MEAK7: variants seen among roughly 807,000 people sequenced by gnomAD.
The protein encoded by MEAK7 is MTOR-associated protein MEAK7.
Under a neutral mutation model 40.5 loss-of-function variants are expected in MEAK7, and 68 were observed. The ratio of observed to expected loss-of-function variants is 1.68; its 90% CI spans 1.38 to 2.06. MEAK7 has a LOEUF of 2.06. Among genes scored for constraint, MEAK7 ranks in the 30% most tolerant of loss-of-function variants. The pLI is 0.00. For synonymous variants in MEAK7, 338 were observed against 231.9 expected (o/e 1.46, Z -4.16); for missense variants, 918 against 580.5 (o/e 1.58, Z -5.98).
rs1567479664 is a variant in MEAK7, at chr16:84,477,617, G to A, written c.*2296C>T. ...ACCCCTTCCTCCTAGCACTTTCTAG[G>A]GCCCTGATAAGTCTTCATTTGTAGG... On this transcript the variant is annotated 3_prime_UTR_variant, in exon 8 of 8. Coordinates refer to ENST00000343629, the MANE Select transcript of MEAK7 (RefSeq NM_020947.4). 8.1e-6 allele frequency: 1 copy of A among 122,970 alleles called. No individual in the cohort carries two copies. The highest frequency in any genetic ancestry group is 1.6e-5 in the Non-Finnish European group (1 of 60,918). 7.6% of individuals were successfully genotyped at this position (122,970 alleles called of 1,614,324 possible).
intron 5 of MEAK7, among the ~76,000 whole-genome samples, chr16:84,483,164 G>A (rs1912729472): frequency 6.6e-6 from 1 of 152,236 alleles, no homozygotes; most frequent in Non-Finnish European, 1.5e-5. Flanking sequence ...CATGCAGAGA[G>A]AGAAAACCTG....
At chr16:84,481,841 G>A (rs889256457) in intron 6 of MEAK7, among the ~76,000 whole-genome samples, 1 of 152,194 alleles carries the variant, frequency 6.6e-6, no homozygotes, top group Non-Finnish European at 1.5e-5. Context: ...GGCTGAGGCA[G>A]GAGAATGGCG....
chr16:84,503,885 C>G (rs964525545), intron 1 of MEAK7: 1 of 973,058 alleles, frequency 1.0e-6, no homozygotes, highest in South Asian at 4.8e-5. Flanking sequence ...TGCTTCCCAC[C>G]CTGGCTGCCA....
chr16:84,489,476 A>G, intron 3 of MEAK7, 54 bp from the exon 4 acceptor site: 5 of 1,539,462 alleles, frequency 3.2e-6, no homozygotes, highest in East Asian at 2.4e-5. Context: ...CCTGAGACCT[A>G]TGTCATGCCC....
intron 3 of MEAK7, among the ~76,000 whole-genome samples, chr16:84,489,779 T>A (rs1270271857): frequency 2.0e-5 from 3 of 152,054 alleles, no homozygotes; most frequent in Non-Finnish European, 4.4e-5. Context: ...CTCCCCAAAT[T>A]TGGTTGAGAT....
At chr16:84,497,904 T>C (rs747049666) in intron 2 of MEAK7, 30 bp downstream of exon 2, 7 of 1,614,080 alleles carry the variant, frequency 4.3e-6, no homozygotes, top group Non-Finnish European at 5.9e-6. Context: ...TGCTCCCAAC[T>C]AAACATGAAC....
At chr16:84,497,535 C>T (rs910161263) in intron 2 of MEAK7, 5 of 1,291,134 alleles carry the variant, frequency 3.9e-6, no homozygotes, top group East Asian at 5.5e-5. Context: ...TCAGGAGGGA[C>T]GTGGTTCAAG....
intron 1 of MEAK7, chr16:84,499,954 G>C (rs449480): frequency 0.47 from 71,133 of 152,218 alleles, 18,625 homozygotes; most frequent in Non-Finnish European, 0.6. Flanking sequence ...GGAGGATCGC[G>C]TGAGCACAGG....
chr16:84,496,573 C>T (rs1002581419), intron 2 of MEAK7, among the ~76,000 whole-genome samples: 2 of 152,192 alleles, frequency 1.3e-5, no homozygotes, highest in African/African-American at 4.8e-5. Context: ...TTCTTCCACT[C>T]ATCGTGAGCC....
chr16:84,499,085 C>G (rs967363056), intron 1 of MEAK7, among the ~76,000 whole-genome samples: 2 of 152,214 alleles, frequency 1.3e-5, no homozygotes, highest in African/African-American at 2.4e-5. Flanking sequence ...TGAGCCTCAT[C>G]TGTTTGAGGC....
intron 1 of MEAK7, among the ~76,000 whole-genome samples, chr16:84,502,052 G>A (rs1015327403): frequency 2.6e-5 from 4 of 152,120 alleles, no homozygotes; most frequent in Non-Finnish European, 2.9e-5. Context: ...GCTGAGGCAG[G>A]AGAATTGCTT....
chr16:84,486,961 G>T lies in MEAK7; in HGVS notation c.628C>A (p.Leu210Met), dbSNP rs200184964. Reference protein sequence around the residue: ...VFRVPHVAIFLSVVICKGFLI... With the variant: ...VFRVPHVAIFMSVVICKGFLI... ...AAGCCCTTGCAAATGACCACACTCA[G>T]GAATATGGCCACATGGGGGACCCTG... Residue 210 changes from leucine (L) to methionine (M), a missense_variant, in exon 5 of 8, where the codon CTG (leucine) becomes ATG (methionine). Transcript: ENST00000343629. The T allele has an allele frequency of 6.2e-7, 1 of 1,614,160 alleles. No homozygotes were observed. The highest frequency in any genetic ancestry group is 1.1e-5 in the South Asian group (1 of 91,078).
intron 1 of MEAK7, 57 bp downstream of exon 1, chr16:84,504,544 T>G (rs1914744780): frequency 2.1e-6 from 2 of 967,150 alleles, no homozygotes; most frequent in East Asian, 1.1e-4. Flanking sequence ...GTCCCCCGAC[T>G]CAGCTGGGCC....
rs546778166 is a variant in MEAK7 at position 84,490,118 on chromosome 16, T to G, written c.385-696A>C. Among the ~76,000 whole-genome samples the G allele has an allele frequency of 3.5e-4, 54 of 152,300 alleles. No individual in the cohort carries two copies. In the South Asian group the frequency reaches 9.5e-3, roughly 27 times the overall value. On this transcript the variant is annotated intron_variant, in intron 3 of 7. Transcript: ENST00000343629. ...TTGTACAAACTGTGTGAGCGTGTGT[T>G]TGTTTTGCTGAACTGTTTTTATTTG...
chr16:84,492,569 T>TTTTATTTATTTATTTATTTATTTATTTA (rs58022971), intron 3 of MEAK7, among the ~76,000 whole-genome samples: 40 of 146,808 alleles, frequency 2.7e-4, no homozygotes, highest in Non-Finnish European at 4.7e-4. Context: ...AAGTGTTTTA[T>TTTTATTTATTTATTTATTTATTTATTTA]TTTATTTATT....
intron 3 of MEAK7, among the ~76,000 whole-genome samples, chr16:84,494,331 G>A (rs983061764): frequency 6.6e-6 from 1 of 152,184 alleles, no homozygotes; most frequent in African/African-American, 2.4e-5. Flanking sequence ...GCTTTGACCA[G>A]TGTCAATTTT....
At chr16:84,489,056 G>A (rs995645861) in intron 4 of MEAK7, among the ~76,000 whole-genome samples, 1 of 152,224 alleles carries the variant, frequency 6.6e-6, no homozygotes, top group Non-Finnish European at 1.5e-5. Context: ...AAAGGGACAA[G>A]AGACAAATTA....
chr16:84,502,680 G>C (rs1169770144), intron 1 of MEAK7: 3 of 152,100 alleles, frequency 2.0e-5, no homozygotes, highest in Admixed American at 6.6e-5. Context: ...AGACCAGCCT[G>C]GGCAACATAG....
chr16:84,501,128 G>C (rs1914471020), intron 1 of MEAK7, among the ~76,000 whole-genome samples: 1 of 143,410 alleles, frequency 7.0e-6, no homozygotes, highest in South Asian at 2.2e-4. Flanking sequence ...AAAAAAAAGA[G>C]GGGAAACAGA....
Sources: gnomAD v4.1 joint callset for allele counts (sites outside exome capture counted in the v4.1 genomes callset) on GRCh38, gnomAD v4.1.1 for gene constraint, MANE v1.5 for transcripts, NCBI Gene and HGNC (gene_info 2026-07-23, HGNC 2026-07-21) for gene names.